PIGX: variants seen among roughly 807,000 people sequenced by gnomAD.
PIGX encodes GPI alpha-1,4-mannosyltransferase I, stabilizing subunit.
In PIGX, 24 loss-of-function variants were observed where a neutral mutation model predicts 28.7. That is an observed-to-expected ratio of 0.84 (90% CI 0.60 to 1.17). The LOEUF is 1.17. Among genes scored for constraint, PIGX ranks in the 50% most tolerant of loss-of-function variants. PIGX has a pLI of 0.00. For missense variants in PIGX, 305 were observed against 317.8 expected, an observed-to-expected ratio of 0.96 and a Z score of 0.31; for synonymous variants, 127 against 121.0, an observed-to-expected ratio of 1.05 and a Z score of -0.33.
chr3:196,718,159 C>T (rs1457529633), intron 2 of PIGX, among the ~76,000 whole-genome samples: 1 of 151,914 alleles, frequency 6.6e-6, no homozygotes, highest in East Asian at 1.9e-4. Flanking sequence ...AAATACAAAA[C>T]ATTAGCCAGG....
At chr3:196,725,746 C>A (rs376003333) in intron 3 of PIGX, among the ~76,000 whole-genome samples, 1 of 152,178 alleles carries the variant, frequency 6.6e-6, no homozygotes, top group Admixed American at 6.5e-5. Flanking sequence ...AGGAGTAGTA[C>A]CTCGTCCCAG....
At chr3:196,725,954 G>A (rs1297529519) in intron 3 of PIGX, among the ~76,000 whole-genome samples, 1 of 152,142 alleles carries the variant, frequency 6.6e-6, no homozygotes, top group African/African-American at 2.4e-5. Context: ...TCAAGAATAT[G>A]TATAGGGATA....
chr3:196,730,696 C>G (rs967410651), intron 4 of PIGX, among the ~76,000 whole-genome samples: 2 of 139,826 alleles, frequency 1.4e-5, no homozygotes, highest in African/African-American at 5.4e-5. Flanking sequence ...TGCAGTGAGC[C>G]GAGATTGCAC....
chr3:196,719,850 C>T (rs11716063), intron 2 of PIGX, among the ~76,000 whole-genome samples: 21,794 of 151,530 alleles, frequency 0.14, 1,761 homozygotes, highest in Middle Eastern at 0.18. Context: ...GAGTGCATGG[C>T]GCGATCTCGG....
chr3:196,721,058 A>G (rs1017992569), intron 2 of PIGX: 5 of 212,600 alleles, frequency 2.4e-5, no homozygotes, highest in African/African-American at 1.2e-4. Flanking sequence ...CTTTGTATTT[A>G]TCCTGCTTAG....
chr3:196,735,802 T>C lies in PIGX; in HGVS notation c.*1900T>C, dbSNP rs1712982161. On this transcript the variant is annotated 3_prime_UTR_variant, in exon 6 of 6. Coordinates refer to ENST00000392391, the MANE Select transcript of PIGX (RefSeq NM_017861.4). ...GATTGACAGGCAACGTTTTGGAATA[T>C]GGTTAGACGGGGAGGGAACACGGTA... 1.3e-5 allele frequency: 2 copies of C among 152,202 alleles called. No homozygotes were observed. Among genetic ancestry groups the C allele is most frequent in the African/African-American group, 2.4e-5 (1 of 41,448 alleles). The allele number at this position is 152,202 out of a possible 1,614,324, so 9.4% of individuals were successfully genotyped here.
Position 196,734,117 on chromosome 3 carries a change from A to G in PIGX, c.*215A>G. 4.7e-6 allele frequency: 2 copies of G among 424,330 alleles called. No homozygotes were observed. The highest frequency in any genetic ancestry group is 4.2e-6 in the Non-Finnish European group (1 of 240,076). 26.3% of individuals were successfully genotyped at this position (424,330 alleles called of 1,614,324 possible). On this transcript the variant is annotated 3_prime_UTR_variant, in exon 6 of 6. Coordinates refer to ENST00000392391, the MANE Select transcript of PIGX (RefSeq NM_017861.4). ...GTAATCCTCAAGCATCAGATGCCAT[A>G]AGGGGAAACTTAATTCTGCTAAATT... is the stretch of plus-strand genomic sequence containing the variant.
At chr3:196,716,369 G>A (rs1181728486) in intron 1 of PIGX, among the ~76,000 whole-genome samples, 5 of 152,116 alleles carry the variant, frequency 3.3e-5, no homozygotes, top group Non-Finnish European at 7.3e-5. Flanking sequence ...TTGCCAGTAT[G>A]TATCTATCTG....
In PIGX at chr3:196,733,672, C is replaced by A; in HGVS notation, c.634-87C>A. ...AAGCGATCTGCCCGCCTTGGCCTCC[C>A]GAAGTGCTGGGATTACAGGCATGAG... On this transcript the variant is annotated intron_variant, in intron 5 of 5. Coordinates refer to ENST00000392391, the MANE Select transcript of PIGX (RefSeq NM_017861.4). The surrounding 1 kb of genome is among the most constrained non-coding windows in gnomAD (Gnocchi z 4.3). 1.0e-6 allele frequency: 1 copy of A among 991,402 alleles called. No individual in the cohort carries two copies. The highest frequency in any genetic ancestry group is 1.6e-6 in the Non-Finnish European group (1 of 643,398). 61.4% of individuals were successfully genotyped at this position (991,402 alleles called of 1,614,324 possible).
At chr3:196,715,617 G>A (rs1712066686) in intron 1 of PIGX, among the ~76,000 whole-genome samples, 1 of 152,006 alleles carries the variant, frequency 6.6e-6, no homozygotes, top group Non-Finnish European at 1.5e-5. Flanking sequence ...ACATCTAATG[G>A]ATTCAGCAAT....
chr3:196,732,244 A>ATTT (rs1362729342), intron 5 of PIGX, among the ~76,000 whole-genome samples: 2 of 31,962 alleles, frequency 6.3e-5, no homozygotes, highest in African/African-American at 1.6e-4. Context: ...ATATATATAT[A>ATTT]TATATATATA....
At chr3:196,714,921 C>T (rs1416408495) in intron 1 of PIGX, among the ~76,000 whole-genome samples, 1 of 151,998 alleles carries the variant, frequency 6.6e-6, no homozygotes. Context: ...ACTAAAAATA[C>T]AAGAATTAGC....
At chr3:196,727,290 A>G (rs1000640865) in intron 3 of PIGX, among the ~76,000 whole-genome samples, 3 of 152,220 alleles carry the variant, frequency 2.0e-5, no homozygotes, top group African/African-American at 7.2e-5. Flanking sequence ...GTTATAACTT[A>G]GGTCTAATTT....
Position 196,722,454 on chromosome 3 carries a change from G to C in PIGX, c.216G>C (p.Glu72Asp). The change falls in exon 3 of 6, where the codon GAG (glutamate) becomes GAC (aspartate). Residue 72 changes from glutamate to aspartate, a missense_variant. Glu to Asp is a conservative substitution (Grantham distance 45, BLOSUM62 2). Transcript: ENST00000392391. ...AAGTGAAGTTTGGGGAAAGCATTGA[G>C]GACTTGCACACCTGCCGTCTCTTAA... 6.2e-7 allele frequency: 1 copy of C among 1,611,982 alleles called. No individual in the cohort carries two copies. Among genetic ancestry groups the C allele is most frequent in the Non-Finnish European group, 8.5e-7 (1 of 1,178,146 alleles).
At chr3:196,729,246 T>A (rs1434565697) in intron 4 of PIGX, among the ~76,000 whole-genome samples, 3 of 151,560 alleles carry the variant, frequency 2.0e-5, no homozygotes, top group Admixed American at 2.0e-4. Context: ...GGCAGGAGAA[T>A]CATTTGAACC....
chr3:196,715,502 A>C (rs1577668514), intron 1 of PIGX, among the ~76,000 whole-genome samples: 1 of 152,228 alleles, frequency 6.6e-6, no homozygotes, highest in Non-Finnish European at 1.5e-5. Context: ...TAGAGGATCT[A>C]GCATGTTAGA....
chr3:196,715,782 G>A (rs1347748821), intron 1 of PIGX, among the ~76,000 whole-genome samples: 1 of 151,736 alleles, frequency 6.6e-6, no homozygotes, highest in Non-Finnish European at 1.5e-5. Context: ...TCTGCCTCCT[G>A]GCCTCAAGCC....
At chr3:196,726,776 G>C (rs1712539535) in intron 3 of PIGX, 1 of 433,552 alleles carries the variant, frequency 2.3e-6, no homozygotes, top group South Asian at 1.6e-5. Context: ...TTATAGGTTA[G>C]TACATACAGT....
At position 196,719,766 on chromosome 3, in the gene PIGX, A is replaced by C. The variant is rs544227885; in HGVS notation, c.177-2649A>C. On this transcript the variant is annotated intron_variant, in intron 2 of 5. Coordinates refer to ENST00000392391, the MANE Select transcript of PIGX (RefSeq NM_017861.4). Reference sequence around the variant, plus strand: ...ACATTATTTATTTTAATTGTGATAAAATACCCATAACATAAAATTTACAAT... The same window carrying C: ...ACATTATTTATTTTAATTGTGATAACATACCCATAACATAAAATTTACAAT... 1.2e-4 allele frequency among the ~76,000 whole-genome samples: 19 copies of C among 152,188 alleles called. 1 individual carries two copies. The highest frequency in any genetic ancestry group is 4.6e-4 in the African/African-American group (19 of 41,528).
Sources: allele counts gnomAD v4.1 joint callset (sites outside exome capture counted in the v4.1 genomes callset), GRCh38; gene constraint gnomAD v4.1.1; non-coding constraint Gnocchi (gnomAD v3.1); transcripts MANE v1.5; gene names NCBI Gene and HGNC (gene_info 2026-07-23, HGNC 2026-07-21).